Variants in RGS7 observed in about 807,000 individuals in gnomAD.
RGS7 encodes the protein regulator of G-protein signaling 7.
RGS7 carries 27 observed loss-of-function variants against 81.1 expected under a neutral mutation model. That is an observed-to-expected ratio of 0.33 (90% CI 0.25 to 0.46). The LOEUF (loss-of-function observed/expected upper bound fraction) is 0.46. RGS7 is among the 20% of genes least tolerant of loss of function. The pLI is 1.00. For missense variants in RGS7, 396 were observed against 607.4 expected (o/e 0.65, Z 3.66); for synonymous variants, 208 against 207.7 (o/e 1.00, Z -0.01).
chr1:241,008,912 CAAAAAAAAAAAAA>C (rs33916247), intron 3 of RGS7, among the ~76,000 whole-genome samples: 4,199 of 78,268 alleles, frequency 0.054, 245 homozygotes, highest in African/African-American at 0.17. Context: ...ACTCTGTCTC[CAAAAAAAAAAAAA>C]AAAAAAAAAA....
chr1:240,963,743 G>A (rs565995689), intron 4 of RGS7, among the ~76,000 whole-genome samples: 9 of 152,322 alleles, frequency 5.9e-5, no homozygotes, highest in Admixed American at 1.3e-4. Flanking sequence ...AGAGACATAG[G>A]AGAATAGCTA....
intron 2 of RGS7, among the ~76,000 whole-genome samples, chr1:241,189,908 GATC>G (rs1558171028): frequency 4.0e-4 from 60 of 151,876 alleles, no homozygotes; most frequent in African/African-American, 1.2e-3. Flanking sequence ...AAGGTCAGGA[GATC>G]GAGCCCACGG....
intron 2 of RGS7, among the ~76,000 whole-genome samples, chr1:241,119,292 T>A (rs1289698043): frequency 6.6e-6 from 1 of 152,206 alleles, no homozygotes; most frequent in African/African-American, 2.4e-5. Context: ...GATTTTCACA[T>A]CTATTTCTGC....
chr1:241,062,042 T>G (rs753594358), intron 3 of RGS7, among the ~76,000 whole-genome samples: 4 of 152,230 alleles, frequency 2.6e-5, no homozygotes, highest in Non-Finnish European at 5.9e-5. Flanking sequence ...ACACTTCTGT[T>G]AGTCATTAAA....
At chr1:241,141,592 C>T (rs186285840) in intron 2 of RGS7, among the ~76,000 whole-genome samples, 62 of 152,176 alleles carry the variant, frequency 4.1e-4, no homozygotes, top group East Asian at 2.5e-3. Flanking sequence ...CAAGCAAAGG[C>T]GGAAAAGTCC....
At chr1:240,828,780 TC>T (rs1292092362) in intron 9 of RGS7, among the ~76,000 whole-genome samples, 7 of 152,210 alleles carry the variant, frequency 4.6e-5, no homozygotes, top group African/African-American at 1.7e-4. Context: ...AGAGAGAAAC[TC>T]CATCTCAAAA....
rs536457106 is a variant in RGS7 at position 241,101,012 on chromosome 1, ACT to A, written c.79-2252_79-2251del. ...TCTCTTGGCTAGAAGCCCACATCTAACTCTGCTGATGTAGAGATGCCTGCCCT... is the reference window on the plus strand; with the variant it reads ...TCTCTTGGCTAGAAGCCCACATCTAACTGCTGATGTAGAGATGCCTGCCCT... On this transcript the variant is annotated intron_variant, in intron 2 of 18. Transcript: ENST00000440928. 3.0e-4 allele frequency among the ~76,000 whole-genome samples: 46 copies of A among 152,254 alleles called. No homozygotes were observed. In the East Asian group the frequency reaches 7.3e-3, roughly 24 times the overall value.
At chr1:241,176,255 A>C (rs2103283607) in intron 2 of RGS7, among the ~76,000 whole-genome samples, 1 of 152,342 alleles carries the variant, frequency 6.6e-6, no homozygotes, top group Admixed American at 6.5e-5. Context: ...ATCCTAAGAT[A>C]GGATCGAGAA....
At position 240,813,056 on chromosome 1, in the gene RGS7, C is replaced by T. The variant is rs1005506034; in HGVS notation, c.956+562G>A. Among the ~76,000 whole-genome samples the T allele has an allele frequency of 4.6e-5, 7 of 152,118 alleles. 1 individual carries two copies. The East Asian group carries it at 1.4e-3, about 29-fold the overall frequency. ...CATCTTTTCTTTGTAAAGTGATACG[C>T]CATGATCCTCTTATGAGTCTGTTAA... On this transcript the variant is annotated intron_variant, in intron 13 of 18. Transcript: ENST00000440928.
intron 3 of RGS7, among the ~76,000 whole-genome samples, chr1:241,041,293 C>T (rs2060602978): frequency 6.6e-6 from 1 of 151,636 alleles, no homozygotes; most frequent in Non-Finnish European, 1.5e-5. Context: ...TCACTAAAGT[C>T]TAATTCATTC....
At chr1:241,278,239 T>C (rs1388684084) in intron 2 of RGS7, among the ~76,000 whole-genome samples, 2 of 152,256 alleles carry the variant, frequency 1.3e-5, no homozygotes, top group East Asian at 1.9e-4. Flanking sequence ...TGACCTCTTA[T>C]ATTCATGGCT....
intron 6 of RGS7, among the ~76,000 whole-genome samples, chr1:240,915,959 A>G (rs1308786763): frequency 2.6e-5 from 4 of 152,148 alleles, no homozygotes; most frequent in Admixed American, 2.0e-4. Flanking sequence ...AAAGAGAAAA[A>G]AAAGTATAAA....
intron 2 of RGS7, among the ~76,000 whole-genome samples, chr1:241,247,762 A>G (rs183521378): frequency 4.2e-4 from 64 of 152,244 alleles, no homozygotes; most frequent in Admixed American, 1.8e-3. Context: ...GATTAAGAAA[A>G]TAATTATAAG....
At chr1:240,841,750 C>A (rs1977841) in intron 9 of RGS7, among the ~76,000 whole-genome samples, 1 of 151,980 alleles carries the variant, frequency 6.6e-6, no homozygotes, top group East Asian at 1.9e-4. Context: ...GCAACTTCTA[C>A]GACAAGAGTC....
At chr1:241,013,983 C>G (rs1483818892) in intron 3 of RGS7, among the ~76,000 whole-genome samples, 1 of 152,160 alleles carries the variant, frequency 6.6e-6, no homozygotes, top group Admixed American at 6.5e-5. Context: ...TTCCAAGGAG[C>G]AGAAGCTACA....
chr1:240,802,983 T>G lies in RGS7; in HGVS notation c.1280A>C (p.Tyr427Ser). ...GTATGAATCACTTTTCATCAGTTTG[T>G]AAATGTGCTCCTAAAAAGAAATAAT... ...YTFEDAQEHI[Y>S]KLMKSDSYPR... The change falls in exon 16 of 19, where the codon TAC (tyrosine) becomes TCC (serine). Residue 427 changes from tyrosine to serine, a missense_variant. Tyr to Ser is a moderately radical substitution (Grantham distance 144). Transcript: ENST00000440928. The G allele has an allele frequency of 6.2e-7, 1 of 1,606,220 alleles. No homozygotes were observed. Among genetic ancestry groups the G allele is most frequent in the Non-Finnish European group, 8.5e-7 (1 of 1,172,984 alleles).
At position 241,015,512 on chromosome 1, in the gene RGS7, A is replaced by C. The variant is rs2059174952; in HGVS notation, c.176-32383T>G. The stretch of plus-strand genomic sequence containing the variant: ...TGACCATTATAGCTTCATTTCATAG[A>C]AGCATTTATAAACAAAGTACATACT... On this transcript the variant is annotated intron_variant, in intron 3 of 18. Coordinates refer to ENST00000440928, the MANE Select transcript of RGS7 (RefSeq NM_001364886.1). Among the ~76,000 whole-genome samples, 3 of 152,188 alleles carry C rather than the reference A, an allele frequency of 2.0e-5. No individual in the cohort carries two copies. The South Asian group carries it at 6.2e-4, about 32-fold the overall frequency.
chr1:240,890,430 G>C (rs1173273261), intron 6 of RGS7, among the ~76,000 whole-genome samples: 2 of 151,880 alleles, frequency 1.3e-5, no homozygotes, highest in South Asian at 2.1e-4. Context: ...GGATTACAGG[G>C]GTGAGCCACC....
In RGS7 at chr1:241,163,305, C is replaced by T. The variant is rs1024379471; in HGVS notation, c.79-64543G>A. On this transcript the variant is annotated intron_variant, in intron 2 of 18. Coordinates refer to ENST00000440928, the MANE Select transcript of RGS7 (RefSeq NM_001364886.1). The surrounding 1 kb of genome is among the most constrained non-coding windows in gnomAD (Gnocchi z 4.6). The stretch of plus-strand genomic sequence containing the variant: ...GTGGAGATGACTGCATAGCACCCCT[C>T]TTTTCAAATACAGGGTGGAGGAAAT... Among the ~76,000 whole-genome samples the T allele has an allele frequency of 6.6e-6, 1 of 152,266 alleles. No homozygotes were observed. Among genetic ancestry groups the T allele is most frequent in the African/African-American group, 2.4e-5 (1 of 41,564 alleles).
Sources: gnomAD v4.1 joint callset for allele counts (sites outside exome capture counted in the v4.1 genomes callset) on GRCh38, gnomAD v4.1.1 for gene constraint, Gnocchi (gnomAD v3.1) non-coding constraint, MANE v1.5 for transcripts, NCBI Gene and HGNC (gene_info 2026-07-23, HGNC 2026-07-21) for gene names.